Variants in SLC25A12 observed in about 807,000 individuals in gnomAD.
SLC25A12 encodes electrogenic aspartate/glutamate antiporter SLC25A12, mitochondrial.
Under a neutral mutation model 83.3 loss-of-function variants are expected in SLC25A12, and 32 were observed. The ratio of observed to expected loss-of-function variants is 0.38; its 90% CI spans 0.29 to 0.52. The LOEUF (loss-of-function observed/expected upper bound fraction) is 0.52. Ranked by LOEUF, SLC25A12 falls within the 20% of genes least tolerant of loss-of-function variation. The pLI is 0.84. For missense variants in SLC25A12, 611 were observed against 835.6 expected, an observed-to-expected ratio of 0.73 and a Z score of 3.31; for synonymous variants, 267 against 291.1, an observed-to-expected ratio of 0.92 and a Z score of 0.84.
At chr2:171,816,677 T>G (rs535119570) in intron 9 of SLC25A12, among the ~76,000 whole-genome samples, 1 of 152,284 alleles carries the variant, frequency 6.6e-6, no homozygotes, top group East Asian at 1.9e-4. Flanking sequence ...GCCCACTATA[T>G]TGAATATGCT....
chr2:171,851,295 A>G (rs10191399), intron 4 of SLC25A12, among the ~76,000 whole-genome samples: 123,455 of 151,396 alleles, frequency 0.82, 51,459 homozygotes, highest in Middle Eastern at 0.91. Flanking sequence ...CTGGTTTCAA[A>G]CTATTCTCCT....
intron 8 of SLC25A12, among the ~76,000 whole-genome samples, chr2:171,827,444 T>A (rs1415495018): frequency 6.6e-6 from 1 of 152,146 alleles, no homozygotes; most frequent in Non-Finnish European, 1.5e-5. Flanking sequence ...TTGCGTAGGA[T>A]GTAACTTCAG....
chr2:171,806,832 G>T (rs1363147155), intron 13 of SLC25A12, among the ~76,000 whole-genome samples: 1 of 152,180 alleles, frequency 6.6e-6, no homozygotes. Context: ...TCAGCCAAAA[G>T]CCATAAGGAC....
At chr2:171,836,960 GCACA>G (rs3836020) in intron 6 of SLC25A12, among the ~76,000 whole-genome samples, 157 bp downstream of exon 6, 32,156 of 146,394 alleles carry the variant, frequency 0.22, 4,058 homozygotes, top group East Asian at 0.58. Flanking sequence ...ACACACACAT[GCACA>G]CACACACACA....
At chr2:171,844,996 A>G (rs1471315021) in intron 4 of SLC25A12, among the ~76,000 whole-genome samples, 1 of 152,188 alleles carries the variant, frequency 6.6e-6, no homozygotes, top group Non-Finnish European at 1.5e-5. Context: ...AGATAGGTAT[A>G]AGAAAAACTA....
At chr2:171,811,376 C>T (rs1183791157) in intron 11 of SLC25A12, among the ~76,000 whole-genome samples, 1 of 152,212 alleles carries the variant, frequency 6.6e-6, no homozygotes, top group African/African-American at 2.4e-5. Flanking sequence ...TATTAACTTT[C>T]TAACCCTCGT....
intron 9 of SLC25A12, among the ~76,000 whole-genome samples, chr2:171,820,350 TAAAG>T (rs759675539): frequency 6.6e-5 from 10 of 152,238 alleles, no homozygotes; most frequent in South Asian, 6.2e-4. Flanking sequence ...AAAACTTTTT[TAAAG>T]AAAGTACATA....
In SLC25A12 at chr2:171,809,702, A is replaced by T; in HGVS notation, c.1225-16T>A. The stretch of plus-strand genomic sequence containing the variant: ...AATCATTAACCTAATTAGAAAGACA[A>T]CATCAGTTAACCAAAATTCCCAACC... On this transcript the variant is annotated splice_polypyrimidine_tract_variant and intron_variant, in intron 12 of 17. Coordinates refer to ENST00000422440, the MANE Select transcript of SLC25A12 (RefSeq NM_003705.5). 6.3e-7 allele frequency: 1 copy of T among 1,585,326 alleles called. No homozygotes were observed. Among genetic ancestry groups the T allele is most frequent in the Admixed American group, 1.7e-5 (1 of 59,984 alleles).
chr2:171,874,465 G>C (rs913528926), intron 2 of SLC25A12, among the ~76,000 whole-genome samples: 2 of 152,210 alleles, frequency 1.3e-5, no homozygotes, highest in African/African-American at 2.4e-5. Flanking sequence ...CTTCACAACT[G>C]CTTGTGTTGC....
At chr2:171,804,283 A>T (rs900317791) in intron 13 of SLC25A12, among the ~76,000 whole-genome samples, 1 of 152,026 alleles carries the variant, frequency 6.6e-6, no homozygotes, top group African/African-American at 2.4e-5. Context: ...TTTGAGACAG[A>T]GTCTCTCTCT....
At chr2:171,796,330 A>G (rs1306677587) in intron 13 of SLC25A12, among the ~76,000 whole-genome samples, 1 of 152,226 alleles carries the variant, frequency 6.6e-6, no homozygotes, top group Non-Finnish European at 1.5e-5. Context: ...AAATCCCAAC[A>G]ACGCACAGGA....
chr2:171,890,442 A>T (rs1338965510), intron 2 of SLC25A12, among the ~76,000 whole-genome samples: 1 of 151,774 alleles, frequency 6.6e-6, no homozygotes, highest in Non-Finnish European at 1.5e-5. Flanking sequence ...ACTATCCTCA[A>T]ATTGATCCAA....
rs147344147 is a variant in SLC25A12, at chr2:171,783,709, T to C, written c.*1565A>G. 3.4e-3 allele frequency among the ~76,000 whole-genome samples: 522 copies of C among 152,334 alleles called. 2 individuals are homozygous for C. Among genetic ancestry groups the C allele is most frequent in the African/African-American group, 0.011 (466 of 41,582 alleles). ...TAATCACATATCCATGGACTACTTA[T>C]ATATTTCTAACAAGTGGTAGTAGCA... On this transcript the variant is annotated 3_prime_UTR_variant, in exon 18 of 18. Transcript: ENST00000422440.
chr2:171,834,772 A>G lies in SLC25A12; in HGVS notation c.706T>C (p.Tyr236His), dbSNP rs1684521797. The change falls in exon 7 of 18, where the codon TAT (tyrosine) becomes CAT (histidine). Residue 236 changes from tyrosine (Y) to histidine (H), a missense_variant. Physicochemically the swap from Tyr to His is moderately conservative, Grantham distance 83. Coordinates refer to ENST00000422440, the MANE Select transcript of SLC25A12 (RefSeq NM_003705.5). Reference protein sequence around the residue: ...LNNMELVRKIYSTLAGTRKDV... With the variant: ...LNNMELVRKIHSTLAGTRKDV... ...TTCCTTGTGCCAGCTAGAGTGCTATATATCTTACGAACAAGCTCCATGTTA... is the reference window on the plus strand; with the variant it reads ...TTCCTTGTGCCAGCTAGAGTGCTATGTATCTTACGAACAAGCTCCATGTTA... The G allele has an allele frequency of 1.2e-6, 2 of 1,613,916 alleles. No homozygotes were observed. The highest frequency in any genetic ancestry group is 1.7e-6 in the Non-Finnish European group (2 of 1,179,942).
At chr2:171,844,953 T>C (rs1327665899) in intron 4 of SLC25A12, among the ~76,000 whole-genome samples, 1 of 152,174 alleles carries the variant, frequency 6.6e-6, no homozygotes, top group African/African-American at 2.4e-5. Context: ...GGCTTGATTA[T>C]TACATTCACA....
At chr2:171,818,686 C>T (rs1009583581) in intron 9 of SLC25A12, among the ~76,000 whole-genome samples, 2 of 151,868 alleles carry the variant, frequency 1.3e-5, no homozygotes, top group Admixed American at 6.6e-5. Flanking sequence ...GTGGAAGGAT[C>T]ACTTGAGCCT....
intron 2 of SLC25A12, among the ~76,000 whole-genome samples, chr2:171,880,574 A>G (rs1685669659): frequency 6.6e-6 from 1 of 152,138 alleles, no homozygotes; most frequent in Non-Finnish European, 1.5e-5. Context: ...CTCAATTCAT[A>G]TTTTAGATTA....
intron 9 of SLC25A12, among the ~76,000 whole-genome samples, chr2:171,819,108 AAT>A (rs1485800975): frequency 2.8e-5 from 4 of 140,728 alleles, no homozygotes; most frequent in African/African-American, 5.2e-5. Flanking sequence ...ATATACATAA[AAT>A]ATATATATAA....
intron 2 of SLC25A12, among the ~76,000 whole-genome samples, chr2:171,882,711 C>A (rs917189278): frequency 3.9e-5 from 6 of 152,164 alleles, no homozygotes; most frequent in African/African-American, 1.2e-4. Flanking sequence ...AAACCCAACG[C>A]TGGCCATAGC....
Sources: allele counts gnomAD v4.1 joint callset (sites outside exome capture counted in the v4.1 genomes callset), GRCh38; gene constraint gnomAD v4.1.1; transcripts MANE v1.5; gene names NCBI Gene and HGNC (gene_info 2026-07-23, HGNC 2026-07-21).